Variants in PRKN observed in about 807,000 individuals in gnomAD.
PRKN encodes the protein E3 ubiquitin-protein ligase parkin.
Under a neutral mutation model 59.5 loss-of-function variants are expected in PRKN, and 56 were observed. The ratio of observed to expected loss-of-function variants is 0.94; its 90% CI spans 0.76 to 1.18. The LOEUF (loss-of-function observed/expected upper bound fraction) is 1.18. Among genes scored for constraint, PRKN ranks in the 50% most tolerant of loss-of-function variants. The pLI is 0.00. For missense variants in PRKN, 657 were observed against 596.4 expected (o/e 1.10, Z -1.06); for synonymous variants, 250 against 222.1 (o/e 1.13, Z -1.12).
Position 161,497,129 on chromosome 6 carries a change from A to G in PRKN, c.1083+51725T>C, listed in dbSNP as rs1777780704. On this transcript the variant is annotated intron_variant, in intron 9 of 11. Coordinates refer to ENST00000366898, the MANE Select transcript of PRKN (RefSeq NM_004562.3). This position sits in a 1 kb window ranked among gnomAD's most constrained non-coding sequence, Gnocchi z 4.6. ...ACAGCCTGTTCCCAGGGGTCAGCCC[A>G]CAGGCCAGGGCCAGGCGGCATTGCT... Among the ~76,000 whole-genome samples, 1 of 152,196 alleles carries G rather than the reference A, an allele frequency of 6.6e-6. No homozygotes were observed. Among genetic ancestry groups the G allele is most frequent in the Non-Finnish European group, 1.5e-5 (1 of 68,034 alleles).
chr6:161,689,178 T>G (rs1461801764), intron 7 of PRKN, among the ~76,000 whole-genome samples: 3 of 144,666 alleles, frequency 2.1e-5, no homozygotes, highest in Non-Finnish European at 4.5e-5. Flanking sequence ...AAGAGAGAAT[T>G]AAATTGTACA....
At chr6:162,401,657 A>G (rs913327782) in intron 2 of PRKN, among the ~76,000 whole-genome samples, 4 of 152,174 alleles carry the variant, frequency 2.6e-5, no homozygotes, top group Admixed American at 2.0e-4. Context: ...TCAAACCATC[A>G]TAAGTTGAGC....
Position 161,399,485 on chromosome 6 carries a change from G to A in PRKN, c.1084-12608C>T, listed in dbSNP as rs73023206. Among the ~76,000 whole-genome samples, 10,061 of 152,292 alleles carry A rather than the reference G, an allele frequency of 0.066. 435 individuals are homozygous for A. Among genetic ancestry groups the A allele is most frequent in the South Asian group, 0.19 (930 of 4,810 alleles). ...ACTACTGTGGGGCCAGAGCCCAGAA[G>A]TGCTCGTCCTGGCTCCTGCACCTGC... On this transcript the variant is annotated intron_variant, in intron 9 of 11. Transcript: ENST00000366898. This position sits in a 1 kb window ranked among gnomAD's most constrained non-coding sequence, Gnocchi z 4.4.
intron 1 of PRKN, among the ~76,000 whole-genome samples, chr6:162,534,173 A>G (rs1778624511): frequency 6.6e-6 from 1 of 152,090 alleles, no homozygotes; most frequent in South Asian, 2.1e-4. Context: ...TGATGTTCAG[A>G]TCTTATGTGA....
intron 6 of PRKN, among the ~76,000 whole-genome samples, chr6:161,844,266 T>C (rs1433613255): frequency 6.6e-6 from 1 of 152,190 alleles, no homozygotes; most frequent in Non-Finnish European, 1.5e-5. Context: ...TTCCCTTTGT[T>C]ACCTAGCTGA....
At chr6:161,507,943 T>C (rs1314286144) in intron 9 of PRKN, among the ~76,000 whole-genome samples, 1 of 152,202 alleles carries the variant, frequency 6.6e-6, no homozygotes, top group Non-Finnish European at 1.5e-5. Context: ...TAATAGTAGA[T>C]GAAATAAATG....
intron 6 of PRKN, among the ~76,000 whole-genome samples, chr6:161,885,630 A>C (rs947510041): frequency 6.7e-6 from 1 of 148,230 alleles, no homozygotes; most frequent in South Asian, 2.2e-4. Flanking sequence ...GCACCACTGC[A>C]CTCCAGCCTG....
At chr6:161,425,171 A>C (rs1342785230) in intron 9 of PRKN, among the ~76,000 whole-genome samples, 1 of 152,086 alleles carries the variant, frequency 6.6e-6, no homozygotes, top group Non-Finnish European at 1.5e-5. Context: ...GCATCCTGAG[A>C]GGCTCATATA....
intron 1 of PRKN, among the ~76,000 whole-genome samples, chr6:162,501,675 C>T (rs1793383743): frequency 6.6e-6 from 1 of 152,008 alleles, no homozygotes; most frequent in African/African-American, 2.4e-5. Flanking sequence ...AAACTCTAAC[C>T]TGTGACTCTG....
intron 2 of PRKN, among the ~76,000 whole-genome samples, chr6:162,302,833 A>G (rs1464712682): frequency 6.6e-6 from 1 of 152,000 alleles, no homozygotes; most frequent in African/African-American, 2.4e-5. Flanking sequence ...GTTACCCTCT[A>G]ATTCACCTCC....
intron 1 of PRKN, among the ~76,000 whole-genome samples, chr6:162,658,504 T>A (rs539060979): frequency 6.6e-6 from 1 of 151,288 alleles, no homozygotes; most frequent in African/African-American, 2.4e-5. Context: ...TCTACAAATA[T>A]AAAAAAATTA....
intron 6 of PRKN, among the ~76,000 whole-genome samples, chr6:161,826,914 T>C (rs564132109): frequency 6.6e-6 from 1 of 152,296 alleles, no homozygotes; most frequent in East Asian, 1.9e-4. Context: ...TAGTGTGTAA[T>C]TTTGATTTGC....
At chr6:162,329,230 A>C (rs1235503853) in intron 2 of PRKN, among the ~76,000 whole-genome samples, 1 of 152,116 alleles carries the variant, frequency 6.6e-6, no homozygotes, top group African/African-American at 2.4e-5. Context: ...GTGAGTGAAA[A>C]TGAGGACGGA....
intron 5 of PRKN, among the ~76,000 whole-genome samples, chr6:162,041,889 G>C (rs1161820561): frequency 6.6e-6 from 1 of 152,032 alleles, no homozygotes; most frequent in Non-Finnish European, 1.5e-5. Flanking sequence ...CGTACGTGTG[G>C]CTGACATATC....
At chr6:162,628,931 C>T (rs1431355864) in intron 1 of PRKN, among the ~76,000 whole-genome samples, 6 of 152,068 alleles carry the variant, frequency 3.9e-5, no homozygotes, top group South Asian at 2.1e-4. Context: ...GGAAACTGTA[C>T]TAAAATAATG....
intron 5 of PRKN, among the ~76,000 whole-genome samples, chr6:161,980,590 G>C (rs1781223271): frequency 6.6e-6 from 1 of 152,200 alleles, no homozygotes; most frequent in African/African-American, 2.4e-5. Flanking sequence ...AGGACAATGG[G>C]AGAAGGTATT....
chr6:162,396,043 T>C (rs1787459326), intron 2 of PRKN, among the ~76,000 whole-genome samples: 1 of 152,170 alleles, frequency 6.6e-6, no homozygotes, highest in Non-Finnish European at 1.5e-5. Flanking sequence ...TAATTAAATG[T>C]AGACAAAGCG....
At chr6:161,563,430 G>A (rs1780527237) in intron 8 of PRKN, among the ~76,000 whole-genome samples, 2 of 152,212 alleles carry the variant, frequency 1.3e-5, no homozygotes, top group South Asian at 4.1e-4. Flanking sequence ...CAAACCTATT[G>A]ACTCCAGACA....
At chr6:162,241,308 A>T (rs1778982337) in intron 3 of PRKN, among the ~76,000 whole-genome samples, 1 of 152,190 alleles carries the variant, frequency 6.6e-6, no homozygotes, top group Admixed American at 6.5e-5. Flanking sequence ...TCTTAAGGAT[A>T]CAATATATAA....
Sources: allele counts gnomAD v4.1 joint callset (sites outside exome capture counted in the v4.1 genomes callset), GRCh38; gene constraint gnomAD v4.1.1; non-coding constraint Gnocchi (gnomAD v3.1); transcripts MANE v1.5; gene names NCBI Gene and HGNC (gene_info 2026-07-23, HGNC 2026-07-21).